KALRN: variants seen among roughly 807,000 people sequenced by gnomAD.
The protein encoded by KALRN is kalirin RhoGEF kinase.
A neutral mutation model predicts 353.7 loss-of-function variants in KALRN; 70 were observed. The ratio of observed to expected loss-of-function variants is 0.20; its 90% CI spans 0.16 to 0.24. The LOEUF (loss-of-function observed/expected upper bound fraction) is 0.24. Ranked by LOEUF, KALRN falls within the 10% of genes least tolerant of loss-of-function variation. The pLI, the probability that KALRN is intolerant of heterozygous loss-of-function variation, is 1.00. For missense variants in KALRN, 2,791 were observed against 3,756.7 expected, an observed-to-expected ratio of 0.74 and a Z score of 6.72; for synonymous variants, 1,391 against 1,434.8, an observed-to-expected ratio of 0.97 and a Z score of 0.69.
chr3:124,505,415 A>C (rs998370040), intron 33 of KALRN, among the ~76,000 whole-genome samples: 8 of 152,142 alleles, frequency 5.3e-5, no homozygotes, highest in African/African-American at 1.9e-4. Flanking sequence ...GGATCAGCTG[A>C]GTCTAGGAGC....
chr3:124,586,987 A>G (rs1405051132), intron 34 of KALRN, among the ~76,000 whole-genome samples: 1 of 152,122 alleles, frequency 6.6e-6, no homozygotes, highest in Non-Finnish European at 1.5e-5. Context: ...CAATTTGAAA[A>G]CAGATTGAAA....
chr3:124,373,497 C>T (rs915150706), intron 10 of KALRN, among the ~76,000 whole-genome samples: 1 of 152,202 alleles, frequency 6.6e-6, no homozygotes, highest in African/African-American at 2.4e-5. Context: ...AATTTATCGT[C>T]TCACAGTTCT....
At chr3:124,668,149 G>A (rs1446711175) in intron 47 of KALRN, among the ~76,000 whole-genome samples, 1 of 150,568 alleles carries the variant, frequency 6.6e-6, no homozygotes, top group South Asian at 2.1e-4. Flanking sequence ...GTCCTACATG[G>A]CCATACGTGC....
chr3:124,183,270 C>T (rs180815734), intron 1 of KALRN, among the ~76,000 whole-genome samples: 1 of 152,222 alleles, frequency 6.6e-6, no homozygotes, highest in Admixed American at 6.5e-5. Context: ...GTTTAATTGG[C>T]TCATGGTTCT....
chr3:124,219,854 C>A (rs2077701412), intron 1 of KALRN, among the ~76,000 whole-genome samples: 1 of 151,422 alleles, frequency 6.6e-6, no homozygotes, highest in Non-Finnish European at 1.5e-5. Context: ...TGGTTGCTGA[C>A]ATAAAGCTGC....
At chr3:124,367,006 G>A (rs868158459) in intron 10 of KALRN, among the ~76,000 whole-genome samples, 11 of 141,980 alleles carry the variant, frequency 7.7e-5, no homozygotes, top group Non-Finnish European at 1.2e-4. Flanking sequence ...GGCCGGGTTG[G>A]GGGGCTGACC....
At chr3:124,410,687 A>G (rs192945521) in intron 13 of KALRN, among the ~76,000 whole-genome samples, 25 of 152,336 alleles carry the variant, frequency 1.6e-4, no homozygotes, top group African/African-American at 5.8e-4. Flanking sequence ...AAATAGACTG[A>G]TAATGCCAAG....
intron 34 of KALRN, among the ~76,000 whole-genome samples, chr3:124,587,320 A>G (rs918050953): frequency 2.0e-5 from 3 of 152,232 alleles, no homozygotes; most frequent in Non-Finnish European, 2.9e-5. Context: ...CTCTGAAGCA[A>G]TGACTCAGAG....
intron 16 of KALRN, among the ~76,000 whole-genome samples, chr3:124,431,663 C>T (rs149465627): frequency 6.6e-6 from 1 of 152,080 alleles, no homozygotes; most frequent in African/African-American, 2.4e-5. Context: ...CACTTCTGAG[C>T]GTGTAAGAAA....
intron 33 of KALRN, among the ~76,000 whole-genome samples, chr3:124,557,692 G>A (rs1283219836): frequency 6.6e-6 from 1 of 152,206 alleles, no homozygotes; most frequent in African/African-American, 2.4e-5. Flanking sequence ...AAGAGTTGTG[G>A]AGGAATCAGA....
intron 1 of KALRN, among the ~76,000 whole-genome samples, chr3:124,089,349 T>C (rs2060983726): frequency 6.6e-6 from 1 of 152,122 alleles, no homozygotes; most frequent in Non-Finnish European, 1.5e-5. Context: ...GGAGTGAGGC[T>C]TCAGCTGTGG....
At chr3:124,153,564 G>A (rs1161909118) in intron 1 of KALRN, among the ~76,000 whole-genome samples, 30 of 150,676 alleles carry the variant, frequency 2.0e-4, no homozygotes, top group Non-Finnish European at 3.7e-4. Context: ...TGTGAATAGT[G>A]CCGCAATAAA....
chr3:124,301,752 C>T (rs755140021), intron 6 of KALRN, among the ~76,000 whole-genome samples: 13 of 152,184 alleles, frequency 8.5e-5, no homozygotes, highest in South Asian at 2.1e-4. Context: ...TCAGTGACTA[C>T]AGGAATGATC....
intron 6 of KALRN, among the ~76,000 whole-genome samples, chr3:124,315,597 G>C (rs957746839): frequency 6.6e-6 from 1 of 151,600 alleles, no homozygotes; most frequent in Non-Finnish European, 1.5e-5. Context: ...TTGTCAGCAT[G>C]TTCCATAACC....
chr3:124,633,826 C>T, intron 35 of KALRN, 26 bp from the exon 36 acceptor site: 1 of 1,600,386 alleles, frequency 6.2e-7, no homozygotes. Context: ...GACACAGTAA[C>T]TAATGCTGCT....
chr3:124,377,127 CATT>C (rs1421614829), intron 10 of KALRN, among the ~76,000 whole-genome samples: 1 of 152,154 alleles, frequency 6.6e-6, no homozygotes, highest in Non-Finnish European at 1.5e-5. Flanking sequence ...AGTTATAAAA[CATT>C]GTTTAAACAA....
At chr3:124,675,179 C>A (rs1355515428) in intron 49 of KALRN, 7 of 152,142 alleles carry the variant, frequency 4.6e-5, no homozygotes, top group Non-Finnish European at 8.8e-5. Context: ...TTCACCCCGT[C>A]ACTTGAATAT....
At chr3:124,096,464 A>C (rs1343283631) in intron 1 of KALRN, 3 of 152,240 alleles carry the variant, frequency 2.0e-5, no homozygotes, top group African/African-American at 7.2e-5. Context: ...GAATGGTTAG[A>C]GGCTTAGAGA....
intron 18 of KALRN, 38 bp from the exon 19 acceptor site, chr3:124,441,907 C>A: frequency 1.5e-6 from 2 of 1,321,160 alleles, no homozygotes; most frequent in Non-Finnish European, 2.1e-6. Flanking sequence ...TTCCATACAC[C>A]TGCTGGGACA....
Sources: gnomAD v4.1 joint callset for allele counts (sites outside exome capture counted in the v4.1 genomes callset) on GRCh38, gnomAD v4.1.1 for gene constraint, MANE v1.5 for transcripts, NCBI Gene and HGNC (gene_info 2026-07-23, HGNC 2026-07-21) for gene names.